The following SOX5 variants were observed in gnomAD, a reference collection of about 807,000 sequenced individuals.
SOX5 encodes SRY-box transcription factor 5, also known as transcription factor SOX-5.
SOX5 carries 9 observed loss-of-function variants against 92.0 expected under a neutral mutation model. The observed-to-expected ratio is 0.10, with a 90% CI of 0.06 to 0.17. SOX5 has a LOEUF of 0.17. SOX5 is among the 10% of genes least tolerant of loss of function. SOX5 has a pLI of 1.00. For synonymous variants in SOX5, 344 were observed against 336.3 expected (o/e 1.02, Z -0.25); for missense variants, 642 against 944.5 (o/e 0.68, Z 4.20).
At chr12:24,543,485 C>T (rs945371339) in intron 1 of SOX5, among the ~76,000 whole-genome samples, 4 of 152,250 alleles carry the variant, frequency 2.6e-5, no homozygotes, top group Middle Eastern at 3.4e-3. Context: ...TCAGGAGTTC[C>T]AGACCAGCCT....
At chr12:24,164,907 T>G (rs751325403) in intron 4 of SOX5, among the ~76,000 whole-genome samples, 10 of 152,080 alleles carry the variant, frequency 6.6e-5, no homozygotes, top group African/African-American at 2.4e-4. Flanking sequence ...TTCTCATTAT[T>G]TTACAAGAAG....
intron 4 of SOX5, among the ~76,000 whole-genome samples, chr12:24,062,649 C>G (rs897048939): frequency 1.3e-5 from 2 of 152,154 alleles, no homozygotes; most frequent in Admixed American, 1.3e-4. Context: ...TTAGAGCTTG[C>G]CAGTGGGCCA....
chr12:23,942,413 A>G (rs983446310), intron 1 of SOX5, among the ~76,000 whole-genome samples: 1 of 151,898 alleles, frequency 6.6e-6, no homozygotes, highest in Non-Finnish European at 1.5e-5. Context: ...AACACTGACA[A>G]CATTCTGAAA....
chr12:23,898,894 C>A (rs1002695046), intron 1 of SOX5, among the ~76,000 whole-genome samples: 1 of 152,052 alleles, frequency 6.6e-6, no homozygotes, highest in South Asian at 2.1e-4. Context: ...ATAAAAGCAA[C>A]CACGGTTATA....
At chr12:24,012,852 G>C (rs1953114526) in intron 4 of SOX5, among the ~76,000 whole-genome samples, 1 of 152,096 alleles carries the variant, frequency 6.6e-6, no homozygotes, top group Non-Finnish European at 1.5e-5. Flanking sequence ...TAGCGCAATG[G>C]AGAACTACCA....
At chr12:23,895,596 T>C (rs2097169117) in intron 2 of SOX5, among the ~76,000 whole-genome samples, 197 bp downstream of exon 2, 1 of 152,106 alleles carries the variant, frequency 6.6e-6, no homozygotes, top group Non-Finnish European at 1.5e-5. Flanking sequence ...TCTTGAAAAA[T>C]ACAAAAGAAA....
At chr12:24,347,283 C>A (rs1029001653) in intron 2 of SOX5, among the ~76,000 whole-genome samples, 1 of 152,074 alleles carries the variant, frequency 6.6e-6, no homozygotes, top group Admixed American at 6.5e-5. Context: ...TAAGGGAGGA[C>A]GTGCAATACT....
chr12:24,160,367 G>A (rs1207660620), intron 4 of SOX5, among the ~76,000 whole-genome samples: 1 of 151,962 alleles, frequency 6.6e-6, no homozygotes, highest in Non-Finnish European at 1.5e-5. Context: ...AAAGAAGAAT[G>A]GCCTAGTGAC....
At chr12:24,370,648 C>T (rs1270814323) in intron 1 of SOX5, among the ~76,000 whole-genome samples, 7 of 152,034 alleles carry the variant, frequency 4.6e-5, no homozygotes, top group African/African-American at 1.7e-4. Flanking sequence ...GAAAATTAGC[C>T]AGGCGTGGGG....
chr12:24,302,761 T>G (rs530534658), intron 2 of SOX5, among the ~76,000 whole-genome samples: 1 of 152,292 alleles, frequency 6.6e-6, no homozygotes, highest in South Asian at 2.1e-4. Flanking sequence ...TCATCATTGT[T>G]GCCCAGAATC....
rs1340231014 is a variant in SOX5 at position 24,322,423 on chromosome 12, A to G, written c.-173-45111T>C. 2.0e-5 allele frequency among the ~76,000 whole-genome samples: 3 copies of G among 152,186 alleles called. No individual in the cohort carries two copies. The East Asian group carries it at 5.8e-4, about 29-fold the overall frequency. Reference sequence around the variant, plus strand: ...AAAGATAACAAAGTCTGTGCTAACTACTATTGCTGATGAGCAATTGTTATG... The same window carrying G: ...AAAGATAACAAAGTCTGTGCTAACTGCTATTGCTGATGAGCAATTGTTATG... On this transcript the variant is annotated intron_variant, in intron 2 of 4. Coordinates refer to the SOX5 transcript ENST00000446891.
At chr12:24,284,432 T>TTG (rs59803171) in intron 2 of SOX5, among the ~76,000 whole-genome samples, 92,894 of 149,486 alleles carry the variant, frequency 0.62, 29,733 homozygotes, top group East Asian at 0.8. Flanking sequence ...TTTTTTTTCT[T>TTG]TGTGTGTGTG....
intron 3 of SOX5, among the ~76,000 whole-genome samples, chr12:24,237,490 T>G (rs1330623990): frequency 6.6e-6 from 1 of 152,192 alleles, no homozygotes; most frequent in Non-Finnish European, 1.5e-5. Context: ...AACCAGAAGT[T>G]AAAGTCTAAT....
intron 4 of SOX5, among the ~76,000 whole-genome samples, chr12:24,093,101 C>T (rs377218566): frequency 3.5e-4 from 54 of 152,244 alleles, no homozygotes; most frequent in African/African-American, 1.1e-3. Flanking sequence ...ACTAAAGTTT[C>T]GGAGTGGTCT....
intron 4 of SOX5, among the ~76,000 whole-genome samples, chr12:24,189,304 C>A (rs1286143470): frequency 2.0e-5 from 3 of 152,170 alleles, no homozygotes; most frequent in African/African-American, 7.2e-5. Context: ...AATCCTCATT[C>A]ATCCTTTAAT....
intron 1 of SOX5, among the ~76,000 whole-genome samples, chr12:23,938,476 G>A (rs1012202810): frequency 6.6e-5 from 10 of 150,988 alleles, no homozygotes; most frequent in Non-Finnish European, 1.5e-4. Flanking sequence ...AAAAGCAATA[G>A]TATGTGTGTG....
intron 1 of SOX5, among the ~76,000 whole-genome samples, chr12:24,472,226 G>T (rs558133209): frequency 1.3e-5 from 2 of 152,188 alleles, no homozygotes; most frequent in South Asian, 2.1e-4. Context: ...GGAAGTCTGG[G>T]TTCTCACTGG....
intron 1 of SOX5, among the ~76,000 whole-genome samples, chr12:24,545,850 G>C (rs887732528): frequency 2.6e-5 from 4 of 152,142 alleles, no homozygotes; most frequent in Non-Finnish European, 4.4e-5. Flanking sequence ...ATAAAGGCCT[G>C]GCTCTGGGTC....
chr12:23,719,731 C>T (rs2092702136), intron 6 of SOX5, among the ~76,000 whole-genome samples: 1 of 133,306 alleles, frequency 7.5e-6, no homozygotes, highest in Admixed American at 9.3e-5. Context: ...TGTGCCACTG[C>T]ATGAGCCTGG....
Sources: gnomAD v4.1 joint callset for allele counts (sites outside exome capture counted in the v4.1 genomes callset) on GRCh38, gnomAD v4.1.1 for gene constraint, MANE v1.5 for transcripts, NCBI Gene and HGNC (gene_info 2026-07-23, HGNC 2026-07-21) for gene names.